The following SLC16A2 variants were observed in gnomAD, a reference collection of about 807,000 sequenced individuals.
SLC16A2 encodes the protein solute carrier family 16 member 2.
SLC16A2 carries 3 observed loss-of-function variants against 27.2 expected under a neutral mutation model. That is an observed-to-expected ratio of 0.11 (90% confidence interval 0.05 to 0.28). The LOEUF (loss-of-function observed/expected upper bound fraction) is 0.28, where lower values mean the gene tolerates loss of function less well. SLC16A2 is among the 10% of genes least tolerant of loss of function. The probability of loss-of-function intolerance (pLI) is 1.00; values close to 1 mark genes in which losing one functional copy is unlikely to be tolerated. For missense variants in SLC16A2, 295 were observed against 458.5 expected, an observed-to-expected ratio of 0.64 and a Z score of 3.26; for synonymous variants, 202 against 187.8, an observed-to-expected ratio of 1.08 and a Z score of -0.62.
intron 1 of SLC16A2, among the ~76,000 whole-genome samples, chrX:74,441,996 A>G (rs780429163): frequency 9.1e-6 from 1 of 110,184 alleles, no homozygotes; most frequent in Non-Finnish European, 1.9e-5. Flanking sequence ...TGGGAGGCCG[A>G]GGCGGGTGGA....
At chrX:74,485,565 C>T (rs886405776) in intron 1 of SLC16A2, among the ~76,000 whole-genome samples, 4 of 110,748 alleles carry the variant, frequency 3.6e-5, no homozygotes, top group South Asian at 3.9e-4. Context: ...TCCCAAATGG[C>T]GCGGCCACTC....
chrX:74,427,496 C>T (rs188532354), intron 1 of SLC16A2, among the ~76,000 whole-genome samples: 1 of 111,748 alleles, frequency 8.9e-6, no homozygotes, highest in Admixed American at 9.5e-5. Flanking sequence ...GTATTGCCTC[C>T]AGCCCATGAA....
chrX:74,506,468 C>G (rs1303448169), intron 1 of SLC16A2, among the ~76,000 whole-genome samples: 1 of 111,666 alleles, frequency 9.0e-6, no homozygotes, highest in Non-Finnish European at 1.9e-5. Flanking sequence ...GGCTGGGAGG[C>G]ACTGCCCTAG....
At chrX:74,497,113 CA>C (rs1363166891) in intron 1 of SLC16A2, among the ~76,000 whole-genome samples, 1 of 111,539 alleles carries the variant, frequency 9.0e-6, no homozygotes, top group Non-Finnish European at 1.9e-5. Context: ...TGTGGCAGGC[CA>C]GGGGAGGTCT....
At chrX:74,497,176 G>T (rs921614905) in intron 1 of SLC16A2, among the ~76,000 whole-genome samples, 12 of 111,761 alleles carry the variant, frequency 1.1e-4, no homozygotes, top group African/African-American at 3.6e-4. Flanking sequence ...CCTCACTTAG[G>T]TCCATAGGCA....
rs916719357 is a variant in SLC16A2, at chrX:74,496,139, G to T, written c.431-24851G>T. Among the ~76,000 whole-genome samples, 3 of 111,180 alleles carry T rather than the reference G, an allele frequency of 2.7e-5. No individual in the cohort carries two copies. In the Admixed American group the frequency reaches 2.9e-4, roughly 11 times the overall value. ...TCAGAAGGGATCTTTCCTGGTCAGG[G>T]GTGGGGATGGTGAAGAGGAGAGCCT... is the stretch of plus-strand genomic sequence containing the variant. On this transcript the variant is annotated intron_variant, in intron 1 of 5. Transcript: ENST00000587091.
chrX:74,476,669 T>C (rs1261778715), intron 1 of SLC16A2, among the ~76,000 whole-genome samples: 6 of 112,156 alleles, frequency 5.3e-5, no homozygotes, highest in Non-Finnish European at 1.1e-4. Context: ...CCTAATTTCT[T>C]GAGAGTTTTT....
intron 1 of SLC16A2, among the ~76,000 whole-genome samples, chrX:74,494,077 G>A (rs547665919): frequency 1.8e-5 from 2 of 112,141 alleles, no homozygotes; most frequent in African/African-American, 6.5e-5. Flanking sequence ...TTCTCAATGA[G>A]GGGCTGAAAT....
At chrX:74,482,032 G>C (rs1000121553) in intron 1 of SLC16A2, among the ~76,000 whole-genome samples, 2 of 110,067 alleles carry the variant, frequency 1.8e-5, no homozygotes, top group African/African-American at 3.3e-5. Context: ...TCTACTCTCT[G>C]TATCTCTGAA....
chrX:74,491,158 A>T (rs1431735362), intron 1 of SLC16A2, among the ~76,000 whole-genome samples: 1 of 112,305 alleles, frequency 8.9e-6, no homozygotes, highest in Non-Finnish European at 1.9e-5. Flanking sequence ...AACCAAATAT[A>T]AGTGACCAGG....
chrX:74,466,552 A>G (rs1929253765), intron 1 of SLC16A2, among the ~76,000 whole-genome samples: 1 of 112,485 alleles, frequency 8.9e-6, no homozygotes, highest in African/African-American at 3.2e-5. Context: ...AATAGTTGTT[A>G]TACTATATTG....
intron 1 of SLC16A2, among the ~76,000 whole-genome samples, chrX:74,427,468 C>T (rs994142831): frequency 9.0e-6 from 1 of 111,344 alleles, no homozygotes; most frequent in Admixed American, 9.6e-5. Context: ...CTTTCCTTTT[C>T]CTTGGAAGTC....
chrX:74,529,861 T>C (rs1316324997), intron 5 of SLC16A2, among the ~76,000 whole-genome samples: 1 of 107,381 alleles, frequency 9.3e-6, no homozygotes, highest in Non-Finnish European at 1.9e-5. Flanking sequence ...AGGGACATCC[T>C]CCTCCTCCTC....
chrX:74,465,298 A>T (rs2147850369), intron 1 of SLC16A2, among the ~76,000 whole-genome samples: 1 of 111,583 alleles, frequency 9.0e-6, no homozygotes, highest in African/African-American at 3.3e-5. Context: ...ATTTTGCCGC[A>T]GTATGGAAAG....
intron 5 of SLC16A2, among the ~76,000 whole-genome samples, chrX:74,530,591 G>T (rs1166321755): frequency 8.9e-6 from 1 of 111,996 alleles, no homozygotes; most frequent in African/African-American, 3.2e-5. Context: ...CTACCCATTG[G>T]GGGAAGGGGG....
intron 1 of SLC16A2, among the ~76,000 whole-genome samples, chrX:74,431,067 T>G (rs1309897608): frequency 8.9e-6 from 1 of 112,785 alleles, no homozygotes; most frequent in East Asian, 2.8e-4. Flanking sequence ...CTCAAAGAAT[T>G]TAAAACAGAA....
intron 1 of SLC16A2, among the ~76,000 whole-genome samples, chrX:74,429,921 T>C (rs978709155): frequency 8.9e-6 from 1 of 111,861 alleles, no homozygotes; most frequent in Non-Finnish European, 1.9e-5. Flanking sequence ...AGATGACTTC[T>C]TATAAGCCTT....
At chrX:74,478,165 G>A (rs898051358) in intron 1 of SLC16A2, among the ~76,000 whole-genome samples, 1 of 111,775 alleles carries the variant, frequency 8.9e-6, no homozygotes, top group Non-Finnish European at 1.9e-5. Flanking sequence ...ATGAATCTGG[G>A]TGCTCCTGTA....
intron 1 of SLC16A2, among the ~76,000 whole-genome samples, chrX:74,446,000 T>G (rs1342682486): frequency 9.0e-6 from 1 of 111,667 alleles, no homozygotes; most frequent in Non-Finnish European, 1.9e-5. Flanking sequence ...CATGCCCCTC[T>G]GCCTAAGAAA....
Sources: gnomAD v4.1 joint callset for allele counts (sites outside exome capture counted in the v4.1 genomes callset) on GRCh38, gnomAD v4.1.1 for gene constraint, MANE v1.5 for transcripts, NCBI Gene and HGNC (gene_info 2026-07-23, HGNC 2026-07-21) for gene names.